The following EPRS1 variants were observed in gnomAD, a reference collection of about 807,000 sequenced individuals.
EPRS1 encodes the protein glutamyl-prolyl-tRNA synthetase 1, also known as bifunctional glutamate/proline--tRNA ligase.
Under a neutral mutation model 188.3 loss-of-function variants are expected in EPRS1, and 107 were observed. The ratio of observed to expected loss-of-function variants is 0.57; its 90% CI spans 0.49 to 0.67. The LOEUF (loss-of-function observed/expected upper bound fraction) is 0.67. Ranked by LOEUF, EPRS1 falls within the 30% of genes least tolerant of loss-of-function variation. EPRS1 has a pLI of 0.00. For synonymous variants in EPRS1, 596 were observed against 593.1 expected, an observed-to-expected ratio of 1.00 and a Z score of -0.07; for missense variants, 1,577 against 1,802.2, an observed-to-expected ratio of 0.88 and a Z score of 2.26.
At chr1:220,029,840 C>T (rs1662053272) in intron 6 of EPRS1, among the ~76,000 whole-genome samples, 1 of 152,150 alleles carries the variant, frequency 6.6e-6, no homozygotes, top group Admixed American at 6.5e-5. Flanking sequence ...TGGTGATCAC[C>T]ATACAGAACA....
chr1:219,978,001 A>G (rs1660811301), intron 28 of EPRS1, among the ~76,000 whole-genome samples: 1 of 152,218 alleles, frequency 6.6e-6, no homozygotes, highest in Admixed American at 6.5e-5. Flanking sequence ...AAGGCCACAG[A>G]TAATCTATTA....
chr1:220,027,525 G>A (rs536283671), intron 6 of EPRS1, among the ~76,000 whole-genome samples: 1 of 141,462 alleles, frequency 7.1e-6, no homozygotes, highest in East Asian at 2.2e-4. Flanking sequence ...CTGGGAGATG[G>A]AGGTTGCAGT....
intron 12 of EPRS1, 48 bp downstream of exon 12, chr1:220,018,401 T>C: frequency 7.2e-7 from 1 of 1,379,466 alleles, no homozygotes; most frequent in African/African-American, 1.4e-5. Flanking sequence ...TTGTACATTA[T>C]TTGGGACTTA....
In EPRS1 at chr1:220,032,540, T is replaced by C. The variant is rs1662107328; in HGVS notation, c.389-14A>G. 5.0e-6 allele frequency: 8 copies of C among 1,612,310 alleles called. No homozygotes were observed. In the East Asian group the frequency reaches 1.6e-4, roughly 31 times the overall value. On this transcript the variant is annotated splice_polypyrimidine_tract_variant and intron_variant, in intron 4 of 31. Transcript: ENST00000366923. ...AGGCAGCATTTCCTATGAGCAAAGA[T>C]AATTTTAAACTATTCAATAAATCTG...
At chr1:219,986,593 C>T (rs1015741873) in intron 20 of EPRS1, among the ~76,000 whole-genome samples, 8 of 152,096 alleles carry the variant, frequency 5.3e-5, no homozygotes, top group Non-Finnish European at 1.0e-4. Context: ...CCTTAAAGAG[C>T]CCTCTATCCA....
intron 27 of EPRS1, 75 bp downstream of exon 27, chr1:219,979,343 A>G: frequency 8.9e-7 from 1 of 1,119,058 alleles, no homozygotes; most frequent in South Asian, 1.4e-5. Flanking sequence ...TCAGAAAATC[A>G]CCCTTTCAAA....
At chr1:220,038,884 C>G (rs1180233105) in intron 2 of EPRS1, among the ~76,000 whole-genome samples, 1 of 152,006 alleles carries the variant, frequency 6.6e-6, no homozygotes, top group East Asian at 1.9e-4. Context: ...TTGAAGCTGC[C>G]CTCAGAAGAG....
rs952707042 is a variant in EPRS1 at position 219,989,559 on chromosome 1, C to T, written c.2542-736G>A. On this transcript the variant is annotated intron_variant, in intron 18 of 31. Coordinates refer to ENST00000366923, the MANE Select transcript of EPRS1 (RefSeq NM_004446.3). ...AGATAGGAAAAGTGTCTCCAAATCA[C>T]CCTATCCAATTTTTACTGCTACATT... 2.6e-5 allele frequency among the ~76,000 whole-genome samples: 4 copies of T among 152,216 alleles called. No individual in the cohort carries two copies. In the South Asian group the frequency reaches 6.2e-4, roughly 24 times the overall value.
At position 219,979,534 on chromosome 1, in the gene EPRS1, T is replaced by C; in HGVS notation, c.3793A>G (p.Lys1265Glu). The change falls in exon 27 of 32, where the codon AAG (lysine) becomes GAG (glutamate). Residue 1265 changes from lysine (K) to glutamate (E), a missense_variant. By Grantham distance (56) the Lys-to-Glu change is moderately conservative (BLOSUM62 1). Coordinates refer to ENST00000366923, the MANE Select transcript of EPRS1 (RefSeq NM_004446.3). ...VFEDPKIPGE[K>E]QFAYQNSWGL... is the part of the protein sequence containing the mutation. ...CAGGAGTTTTGATAGGCAAATTGCT[T>C]CTCTCCTGGTATCTTTGGATCTTCA... The C allele has an allele frequency of 6.2e-7, 1 of 1,613,958 alleles. No homozygotes were observed. Among genetic ancestry groups the C allele is most frequent in the Non-Finnish European group, 8.5e-7 (1 of 1,179,858 alleles).
At chr1:220,009,270 T>A (rs1488174656) in intron 13 of EPRS1, among the ~76,000 whole-genome samples, 3 of 152,232 alleles carry the variant, frequency 2.0e-5, no homozygotes, top group African/African-American at 7.2e-5. Flanking sequence ...CATATAAAGC[T>A]ACAATTTAGA....
At chr1:220,015,023 G>A (rs1174335606) in intron 12 of EPRS1, among the ~76,000 whole-genome samples, 2 of 152,080 alleles carry the variant, frequency 1.3e-5, no homozygotes, top group African/African-American at 4.8e-5. Flanking sequence ...ACAGAAAGGT[G>A]GGAAGATAAA....
Position 219,973,377 on chromosome 1 carries a change from C to G in EPRS1, c.4105G>C (p.Val1369Leu). ...ELKGVPIRLEVGPRDMKSCQF... is the reference protein window; with the variant it reads ...ELKGVPIRLELGPRDMKSCQF... Reference sequence around the variant, plus strand: ...CAGCTCTTCATATCACGTGGCCCAACTTCAAGTCTAATGGGAACTCCCTAT... The same window carrying G: ...CAGCTCTTCATATCACGTGGCCCAAGTTCAAGTCTAATGGGAACTCCCTAT... Residue 1369 changes from valine (V) to leucine (L), a missense_variant, in exon 29 of 32, where the codon GTT becomes CTT. By Grantham distance (32) the Val-to-Leu change is conservative. Transcript: ENST00000366923. 1 of 1,611,384 alleles carries G rather than the reference C, an allele frequency of 6.2e-7. No individual in the cohort carries two copies. The highest frequency in any genetic ancestry group is 8.5e-7 in the Non-Finnish European group (1 of 1,179,022).
rs768247332 is a variant in EPRS1, at chr1:219,980,051, A to G, written c.3711+34T>C. The stretch of plus-strand genomic sequence containing the variant: ...GGATCTGTCCATGGACTGTGCTTAC[A>G]GTGACCTACGAATCCTGTGTGGCAG... On this transcript the variant is annotated intron_variant, in intron 26 of 31. Coordinates refer to ENST00000366923, the MANE Select transcript of EPRS1 (RefSeq NM_004446.3). 6.9e-6 allele frequency: 11 copies of G among 1,598,052 alleles called. No individual in the cohort carries two copies. The Admixed American group carries it at 1.2e-4, about 17-fold the overall frequency.
At position 219,973,302 on chromosome 1, in the gene EPRS1, C is replaced by T. The variant is rs1264998330; in HGVS notation, c.4180G>A (p.Glu1394Lys). 2.5e-6 allele frequency: 4 copies of T among 1,612,354 alleles called. No homozygotes were observed. In the African/African-American group the frequency reaches 4.0e-5, roughly 16 times the overall value. Residue 1394 changes from glutamate (E) to lysine (K), a missense_variant, in exon 29 of 32, where the codon GAA becomes AAA. Transcript: ENST00000366923. ...RDTGEKLTVA[E>K]NEAETKLQAI... ...TGAAGTTTAGTCTCTGCCTCATTTT[C>T]AGCAACTGTCAGCTTTTCTCCAGTA... is the stretch of plus-strand genomic sequence containing the variant.
intron 15 of EPRS1, 133 bp from the exon 16 acceptor site, chr1:220,005,493 G>C (rs1661441279): frequency 2.0e-6 from 1 of 497,114 alleles, no homozygotes; most frequent in African/African-American, 2.0e-5. Context: ...CACTACTTGA[G>C]GACACACAAT....
chr1:220,010,388 A>T (rs1293504264), intron 13 of EPRS1, among the ~76,000 whole-genome samples: 1 of 152,206 alleles, frequency 6.6e-6, no homozygotes, highest in African/African-American at 2.4e-5. Flanking sequence ...CACAATAAAA[A>T]ATAAGCACCA....
chr1:219,980,870 A>G lies in EPRS1; in HGVS notation c.3454-13T>C, dbSNP rs1452400379. The G allele has an allele frequency of 1.3e-6, 2 of 1,584,264 alleles. No homozygotes were observed. The highest frequency in any genetic ancestry group is 1.7e-4 in the Middle Eastern group (1 of 6,000). On this transcript the variant is annotated splice_polypyrimidine_tract_variant and intron_variant, in intron 24 of 31. Transcript: ENST00000366923. ...TGAATTCCCAACGCTGGAAGAGGCA[A>G]GAAAACAATTTAGTCATTATAAAGA...
At chr1:219,986,725 A>G (rs1270395405) in intron 20 of EPRS1, among the ~76,000 whole-genome samples, 2 of 152,160 alleles carry the variant, frequency 1.3e-5, no homozygotes, top group Non-Finnish European at 2.9e-5. Flanking sequence ...TTAAGGTGCA[A>G]AACAATGTGT....
At chr1:220,033,738 T>C in intron 3 of EPRS1, 80 bp from the exon 4 acceptor site, 1 of 984,776 alleles carries the variant, frequency 1.0e-6, no homozygotes, top group Non-Finnish European at 1.6e-6. Flanking sequence ...AAATTCTAGT[T>C]AACTAGAGCA....
Sources: allele counts gnomAD v4.1 joint callset (sites outside exome capture counted in the v4.1 genomes callset), GRCh38; gene constraint gnomAD v4.1.1; transcripts MANE v1.5; gene names NCBI Gene and HGNC (gene_info 2026-07-23, HGNC 2026-07-21).